Variants in MYO6 observed in about 807,000 individuals in gnomAD.
MYO6 encodes unconventional myosin-VI.
Under a neutral mutation model 178.7 loss-of-function variants are expected in MYO6, and 74 were observed. The ratio of observed to expected loss-of-function variants is 0.41; its 90% CI spans 0.34 to 0.50. MYO6 has a LOEUF of 0.50. Among genes scored for constraint, MYO6 ranks in the 20% least tolerant of loss-of-function variants. The probability of loss-of-function intolerance (pLI) is 0.09; values close to 1 mark genes in which losing one functional copy is unlikely to be tolerated. For synonymous variants in MYO6, 477 were observed against 504.6 expected (o/e 0.95, Z 0.73); for missense variants, 1,330 against 1,547.4 (o/e 0.86, Z 2.36).
At chr6:75,753,800 T>C (rs1179813166) in intron 1 of MYO6, among the ~76,000 whole-genome samples, 5 of 152,178 alleles carry the variant, frequency 3.3e-5, no homozygotes, top group African/African-American at 1.2e-4. Context: ...GATCTTTTCA[T>C]TTAAAATGGT....
intron 30 of MYO6, among the ~76,000 whole-genome samples, chr6:75,902,258 T>C (rs1187473898): frequency 1.3e-5 from 2 of 152,150 alleles, no homozygotes; most frequent in Non-Finnish European, 2.9e-5. Context: ...TTAGGGAGGA[T>C]TCCCTCTTTT....
intron 29 of MYO6, 65 bp downstream of exon 29, chr6:75,895,325 A>G: frequency 8.2e-7 from 1 of 1,214,982 alleles, no homozygotes; most frequent in Non-Finnish European, 1.2e-6. Flanking sequence ...TAGTTTTCTC[A>G]TTGGAGTAAA....
At chr6:75,892,315 C>G (rs1165547998) in intron 27 of MYO6, among the ~76,000 whole-genome samples, 1 of 152,148 alleles carries the variant, frequency 6.6e-6, no homozygotes, top group Non-Finnish European at 1.5e-5. Flanking sequence ...TCTACCTTCT[C>G]TTGGTCTTGG....
chr6:75,907,866 A>G (rs892933702), intron 31 of MYO6, among the ~76,000 whole-genome samples, 158 bp downstream of exon 31: 12 of 151,874 alleles, frequency 7.9e-5, no homozygotes, highest in African/African-American at 2.7e-4. Flanking sequence ...CTTTTGGTCC[A>G]TGAATGCACA....
At chr6:75,909,900 A>G (rs940087583) in intron 32 of MYO6, among the ~76,000 whole-genome samples, 3 of 152,162 alleles carry the variant, frequency 2.0e-5, no homozygotes, top group African/African-American at 7.2e-5. Flanking sequence ...AATAAAGTCA[A>G]TTTAATAGTG....
intron 1 of MYO6, among the ~76,000 whole-genome samples, chr6:75,764,243 T>C (rs948925615): frequency 1.3e-5 from 2 of 152,144 alleles, no homozygotes; most frequent in African/African-American, 4.8e-5. Context: ...AAAATCCTTT[T>C]TGACCTATCT....
At chr6:75,880,200 A>G in intron 22 of MYO6, 80 bp downstream of exon 22, 3 of 1,031,716 alleles carry the variant, frequency 2.9e-6, no homozygotes, top group Non-Finnish European at 4.4e-6. Context: ...AAAGTATTTA[A>G]TAATTTGTAT....
At chr6:75,790,064 G>T (rs1768070112) in intron 1 of MYO6, among the ~76,000 whole-genome samples, 1 of 152,116 alleles carries the variant, frequency 6.6e-6, no homozygotes, top group Non-Finnish European at 1.5e-5. Flanking sequence ...CAAATGACAG[G>T]ATTTCATTCT....
chr6:75,835,031 G>A (rs1188823249), intron 6 of MYO6, among the ~76,000 whole-genome samples: 2 of 152,088 alleles, frequency 1.3e-5, no homozygotes, highest in Non-Finnish European at 2.9e-5. Context: ...TTTGAAATGT[G>A]CCAGGCAAAT....
chr6:75,752,532 C>A (rs1408357478), intron 1 of MYO6, among the ~76,000 whole-genome samples: 1 of 152,176 alleles, frequency 6.6e-6, no homozygotes, highest in Non-Finnish European at 1.5e-5. Context: ...CATTTGACCA[C>A]GAAGCCCCTG....
rs199966180 is a variant in MYO6 at position 75,918,306 on chromosome 6, AGG to A, written c.*3300_*3301del. The A allele has an allele frequency of 6.6e-6, 1 of 152,090 alleles. No individual in the cohort carries two copies. The highest frequency in any genetic ancestry group is 1.5e-5 in the Non-Finnish European group (1 of 68,008). 9.4% of individuals were successfully genotyped at this position (152,090 alleles called of 1,614,324 possible). On this transcript the variant is annotated 3_prime_UTR_variant, in exon 35 of 35. Coordinates refer to ENST00000369977, the MANE Select transcript of MYO6 (RefSeq NM_004999.4). ...AAACATGAGAATAAGGACATGTTAG[AGG>A]GGGGGAAACAGTTGTAACAATAAGG...
chr6:75,789,570 T>G (rs574982432), intron 1 of MYO6, among the ~76,000 whole-genome samples: 2 of 152,298 alleles, frequency 1.3e-5, no homozygotes, highest in Admixed American at 6.5e-5. Context: ...TCCACCTCTT[T>G]TTTTTTGTTA....
intron 30 of MYO6, among the ~76,000 whole-genome samples, chr6:75,905,046 G>T (rs1288028363): frequency 6.6e-6 from 1 of 152,216 alleles, no homozygotes; most frequent in Non-Finnish European, 1.5e-5. Context: ...TTAGGGGTCA[G>T]GGGTCAGGGG....
At chr6:75,883,229 T>C (rs1778182845) in intron 23 of MYO6, among the ~76,000 whole-genome samples, 1 of 138,146 alleles carries the variant, frequency 7.2e-6, no homozygotes, top group Non-Finnish European at 1.6e-5. Context: ...ATAGTGAAAA[T>C]AAAAACAAAG....
At chr6:75,914,713 T>G (rs2149434835) in intron 34 of MYO6, 100 bp from the exon 35 acceptor site, 1 of 1,168,788 alleles carries the variant, frequency 8.6e-7, no homozygotes, top group Non-Finnish European at 1.3e-6. Flanking sequence ...CTTAGGAAGT[T>G]TTCAAATCTA....
At chr6:75,896,871 G>A (rs963673010) in intron 29 of MYO6, among the ~76,000 whole-genome samples, 2 of 152,200 alleles carry the variant, frequency 1.3e-5, no homozygotes, top group African/African-American at 2.4e-5. Context: ...AAATAAGCCC[G>A]CAATCAGTGT....
At chr6:75,903,015 T>C (rs942506684) in intron 30 of MYO6, among the ~76,000 whole-genome samples, 39 of 152,252 alleles carry the variant, frequency 2.6e-4, no homozygotes, top group African/African-American at 8.9e-4. Context: ...GGTTGTTCAG[T>C]TTCCATGTAG....
intron 1 of MYO6, among the ~76,000 whole-genome samples, chr6:75,790,757 G>C (rs1214264850): frequency 6.6e-6 from 1 of 152,106 alleles, no homozygotes; most frequent in Non-Finnish European, 1.5e-5. Flanking sequence ...TTGGATTACT[G>C]ATTAGATTGA....
chr6:75,809,982 G>A (rs946793859), intron 1 of MYO6, among the ~76,000 whole-genome samples: 3 of 151,094 alleles, frequency 2.0e-5, no homozygotes, highest in African/African-American at 4.9e-5. Flanking sequence ...TCCTGTAGAG[G>A]CTGAGGCAGG....
Sources: gnomAD v4.1 joint callset for allele counts (sites outside exome capture counted in the v4.1 genomes callset) on GRCh38, gnomAD v4.1.1 for gene constraint, MANE v1.5 for transcripts, NCBI Gene and HGNC (gene_info 2026-07-23, HGNC 2026-07-21) for gene names.